Variants in ABLIM1 observed in about 807,000 individuals in gnomAD.
The protein encoded by ABLIM1 is actin binding LIM protein 1.
ABLIM1 carries 40 observed loss-of-function variants against 107.0 expected under a neutral mutation model. The observed-to-expected ratio is 0.37, with a 90% CI of 0.29 to 0.49. The LOEUF is 0.49. ABLIM1 is among the 20% of genes least tolerant of loss of function. The pLI is 0.97. For missense variants in ABLIM1, 857 were observed against 1,008.5 expected (o/e 0.85, Z 2.04); for synonymous variants, 357 against 357.3 (o/e 1.00, Z 0.01).
At chr10:114,613,692 A>G (rs1485821388) in intron 1 of ABLIM1, 2 of 1,324,114 alleles carry the variant, frequency 1.5e-6, no homozygotes. Flanking sequence ...CCACTGGGAG[A>G]TGAAAGCATG....
At chr10:114,686,993 C>T (rs2080956647), upstream of ABLIM1, among the ~76,000 whole-genome samples, 1 of 152,162 alleles carries the variant, frequency 6.6e-6, no homozygotes. Flanking sequence ...ATCAGAGACA[C>T]GGTTGTGTGT....
intron 1 of ABLIM1, among the ~76,000 whole-genome samples, chr10:114,626,427 C>T (rs760143375): frequency 2.0e-5 from 3 of 152,120 alleles, no homozygotes; most frequent in Non-Finnish European, 4.4e-5. Flanking sequence ...TTGTACAAAT[C>T]GGCCAAGAAA....
intron 6 of ABLIM1, among the ~76,000 whole-genome samples, chr10:114,527,654 C>CT (rs1284231031): frequency 7.6e-6 from 1 of 131,046 alleles, no homozygotes; most frequent in African/African-American, 3.4e-5. Context: ...TGTAACAACT[C>CT]TTGTCTTTTT....
intron 7 of ABLIM1, among the ~76,000 whole-genome samples, chr10:114,488,744 A>G (rs2058524719): frequency 1.3e-5 from 2 of 152,176 alleles, no homozygotes; most frequent in Non-Finnish European, 2.9e-5. Context: ...TAAACAAAAC[A>G]CTTATCTCCA....
chr10:114,436,943 T>C (rs900488708), intron 22 of ABLIM1, among the ~76,000 whole-genome samples: 1 of 152,180 alleles, frequency 6.6e-6, no homozygotes, highest in African/African-American at 2.4e-5. Flanking sequence ...TTTCGGAGAC[T>C]GGCAGCCAGG....
the ABLIM1 span, among the ~76,000 whole-genome samples, chr10:114,800,310 T>G: frequency 6.6e-6 from 1 of 152,260 alleles, no homozygotes; most frequent in Admixed American, 6.5e-5. Flanking sequence ...TACAGGAAAG[T>G]CCTATAAAAG....
At chr10:114,677,954 C>G (rs2080564874) in intron 1 of ABLIM1, among the ~76,000 whole-genome samples, 1 of 152,170 alleles carries the variant, frequency 6.6e-6, no homozygotes, top group African/African-American at 2.4e-5. Flanking sequence ...TGAGTAAAAT[C>G]TAGGTGAAAT....
intron 1 of ABLIM1, among the ~76,000 whole-genome samples, chr10:114,669,535 C>T (rs1591788424): frequency 6.6e-6 from 1 of 152,176 alleles, no homozygotes; most frequent in Admixed American, 6.5e-5. Flanking sequence ...ACAGAAAAAT[C>T]TAAAATGTGG....
chr10:114,558,401 C>A (rs1025241213), intron 4 of ABLIM1, among the ~76,000 whole-genome samples: 4 of 152,134 alleles, frequency 2.6e-5, no homozygotes, highest in African/African-American at 7.2e-5. Context: ...ACTCAGACCC[C>A]ATTCCCAGAA....
chr10:114,557,579 G>T (rs974361144), intron 4 of ABLIM1, among the ~76,000 whole-genome samples: 2 of 150,074 alleles, frequency 1.3e-5, no homozygotes, highest in African/African-American at 4.9e-5. Flanking sequence ...TGCACATTTT[G>T]AATTTCTAAT....
At position 114,460,168 on chromosome 10, in the gene ABLIM1, G is replaced by A. The variant is rs181602798; in HGVS notation, c.1441+5530C>T. Among the ~76,000 whole-genome samples, 106 of 152,250 alleles carry A rather than the reference G, an allele frequency of 7.0e-4. 1 individual carries two copies. The highest frequency in any genetic ancestry group is 3.4e-4 in the Non-Finnish European group (23 of 68,028). On this transcript the variant is annotated intron_variant, in intron 12 of 22. Transcript: ENST00000533213. Reference sequence around the variant, plus strand: ...GAAGGAGCGTTCCTGGGGAGGAGGGGGCCTGGGTCTAGTCCAGCACTGCCA... The same window carrying A: ...GAAGGAGCGTTCCTGGGGAGGAGGGAGCCTGGGTCTAGTCCAGCACTGCCA...
chr10:114,483,338 T>G (rs955850312), intron 8 of ABLIM1, among the ~76,000 whole-genome samples: 1 of 152,106 alleles, frequency 6.6e-6, no homozygotes, highest in Non-Finnish European at 1.5e-5. Context: ...TGGCATGATC[T>G]TGGCTCACTG....
chr10:114,438,644 T>C (rs1288621148), intron 21 of ABLIM1, among the ~76,000 whole-genome samples: 3 of 152,182 alleles, frequency 2.0e-5, no homozygotes, highest in East Asian at 1.9e-4. Flanking sequence ...GACTAGCTCA[T>C]GAATCTATGG....
chr10:114,613,683 C>A, intron 1 of ABLIM1: 1 of 1,326,194 alleles, frequency 7.5e-7, no homozygotes, highest in Non-Finnish European at 1.0e-6. Flanking sequence ...TCTGCACACC[C>A]ACTGGGAGAT....
intron 1 of ABLIM1, among the ~76,000 whole-genome samples, chr10:114,648,508 G>A (rs552224572): frequency 5.9e-5 from 9 of 152,300 alleles, no homozygotes; most frequent in African/African-American, 1.9e-4. Context: ...GAGATAAGTC[G>A]TTGCCAGCAG....
intron 6 of ABLIM1, among the ~76,000 whole-genome samples, chr10:114,512,375 A>G (rs1214264877): frequency 6.6e-6 from 1 of 152,250 alleles, no homozygotes; most frequent in East Asian, 1.9e-4. Flanking sequence ...TCATCTTTGC[A>G]TTCTCGAAGT....
intron 1 of ABLIM1, among the ~76,000 whole-genome samples, chr10:114,722,323 GCA>G (rs2081866580): frequency 6.6e-6 from 1 of 152,050 alleles, no homozygotes; most frequent in African/African-American, 2.4e-5. Flanking sequence ...GGGAGGTGCT[GCA>G]CACTTTTAAA....
At chr10:114,643,939 ACAGC>A (rs1420983141) in intron 1 of ABLIM1, among the ~76,000 whole-genome samples, 40 of 152,110 alleles carry the variant, frequency 2.6e-4, no homozygotes, top group African/African-American at 8.4e-4. Flanking sequence ...TAAGATTTCT[ACAGC>A]ATGTTTCTTT....
intron 8 of ABLIM1, among the ~76,000 whole-genome samples, chr10:114,477,605 G>C (rs2056665552): frequency 6.6e-6 from 1 of 152,212 alleles, no homozygotes; most frequent in Non-Finnish European, 1.5e-5. Context: ...AAACAGAGCT[G>C]AAGAACAACG....
Sources: gnomAD v4.1 joint callset for allele counts (sites outside exome capture counted in the v4.1 genomes callset) on GRCh38, gnomAD v4.1.1 for gene constraint, MANE v1.5 for transcripts, NCBI Gene and HGNC (gene_info 2026-07-23, HGNC 2026-07-21) for gene names.